DNAH6: variants seen among roughly 807,000 people sequenced by gnomAD.
DNAH6 encodes dynein axonemal heavy chain 6, also known as axonemal beta dynein heavy chain 6.
In DNAH6, 340 loss-of-function variants were observed where a neutral mutation model predicts 491.4. That is an observed-to-expected ratio of 0.69 (90% CI 0.63 to 0.76). The LOEUF (loss-of-function observed/expected upper bound fraction) is 0.76. Among genes scored for constraint, DNAH6 ranks in the 30% least tolerant of loss-of-function variants. The pLI is 0.00. For synonymous variants in DNAH6, 1,603 were observed against 1,686.1 expected (o/e 0.95, Z 1.21); for missense variants, 4,443 against 4,972.2 (o/e 0.89, Z 3.20).
At chr2:84,527,538 T>TA (rs1676720900) in intron 3 of DNAH6, among the ~76,000 whole-genome samples, 1 of 152,272 alleles carries the variant, frequency 6.6e-6, no homozygotes, top group South Asian at 2.1e-4. Flanking sequence ...TTTAGTCTCA[T>TA]AAAAATACTA....
chr2:84,816,903 A>G (rs1244554631), intron 76 of DNAH6, among the ~76,000 whole-genome samples: 1 of 152,206 alleles, frequency 6.6e-6, no homozygotes, highest in African/African-American at 2.4e-5. Context: ...ATCGCCTTGA[A>G]TACAGCACAG....
At chr2:84,510,357 T>G in the DNAH6 span, among the ~76,000 whole-genome samples, 1 of 152,258 alleles carries the variant, frequency 6.6e-6, no homozygotes, top group African/African-American at 2.4e-5. Flanking sequence ...TTTCTTCCAG[T>G]TGAGTGAATC....
At chr2:84,662,840 G>A (rs907061068) in intron 37 of DNAH6, among the ~76,000 whole-genome samples, 3 of 152,186 alleles carry the variant, frequency 2.0e-5, no homozygotes, top group Non-Finnish European at 2.9e-5. Context: ...TAGCCTAACT[G>A]GGAGATATCT....
At chr2:84,566,986 A>G (rs570594009) in intron 11 of DNAH6, among the ~76,000 whole-genome samples, 1 of 152,098 alleles carries the variant, frequency 6.6e-6, no homozygotes, top group African/African-American at 2.4e-5. Flanking sequence ...TAAATTAGGG[A>G]TCTAAAAATA....
chr2:84,661,027 A>T (rs1272861264), intron 37 of DNAH6, among the ~76,000 whole-genome samples: 1 of 152,180 alleles, frequency 6.6e-6, no homozygotes, highest in Admixed American at 6.5e-5. Flanking sequence ...TTAAATAATA[A>T]TATGTCAGTA....
At chr2:84,507,529 T>C in the DNAH6 span, among the ~76,000 whole-genome samples, 4 of 152,176 alleles carry the variant, frequency 2.6e-5, no homozygotes, top group Non-Finnish European at 5.9e-5. Flanking sequence ...CAATTTGACT[T>C]CCTCTTTTCC....
chr2:84,732,026 A>T (rs539356393), intron 61 of DNAH6, among the ~76,000 whole-genome samples: 1 of 152,252 alleles, frequency 6.6e-6, no homozygotes, highest in South Asian at 2.1e-4. Flanking sequence ...ATCCCAGGGT[A>T]ACTGTGAGCA....
chr2:84,797,599 C>T lies in DNAH6; in HGVS notation c.11422C>T (p.Pro3808Ser), dbSNP rs866373885. ...GTTTAAGGACTACATTGAAAATCTG[C>T]CTTTGATCGATGACCCAGAAATTTT... Reference protein sequence around the residue: ...QEFKDYIENLPLIDDPEIFGM... With the variant: ...QEFKDYIENLSLIDDPEIFGM... Residue 3808 changes from proline (P) to serine (S), a missense_variant, in exon 70 of 77, where the codon CCT becomes TCT. Around this residue, in one of 3 missense-constraint regions of DNAH6, gnomAD observed 1,463 missense variants for 1,656.6 expected, o/e 0.88. Transcript: ENST00000389394. The T allele has an allele frequency of 6.4e-7, 1 of 1,551,368 alleles. No homozygotes were observed. The highest frequency in any genetic ancestry group is 1.4e-5 in the African/African-American group (1 of 73,136).
At position 84,695,046 on chromosome 2, in the gene DNAH6, A is replaced by G. The variant is rs189656064; in HGVS notation, c.7524+566A>G. Reference sequence around the variant, plus strand: ...AAAAAGTGATAGATTTGATGCATAAATGTTTTAAATATTGTAAGCAGAATT... The same window carrying G: ...AAAAAGTGATAGATTTGATGCATAAGTGTTTTAAATATTGTAAGCAGAATT... On this transcript the variant is annotated intron_variant, in intron 46 of 76. Transcript: ENST00000389394. 6.3e-3 allele frequency among the ~76,000 whole-genome samples: 959 copies of G among 152,308 alleles called. 8 individuals carry two copies. The highest frequency in any genetic ancestry group is 0.021 in the African/African-American group (886 of 41,578).
rs377482915 is a variant in DNAH6 at position 84,701,254 on chromosome 2, G to A, written c.7976G>A (p.Arg2659Gln). 31 of 1,551,504 alleles carry A rather than the reference G, an allele frequency of 2.0e-5. No homozygotes were observed. Among genetic ancestry groups the A allele is most frequent in the Middle Eastern group, 1.7e-4 (1 of 6,014 alleles). ...CGCTATTACAATGAGCTGCGCAGGC[G>A]GTACTACACGACACCCACCTCCTAC... ...AERYYNELRR[R>Q]YYTTPTSYLE... is the part of the protein sequence containing the mutation. The change falls in exon 49 of 77, where the codon CGG (arginine) becomes CAG (glutamine). Residue 2659 changes from arginine (R) to glutamine (Q), a missense_variant. Transcript: ENST00000389394.
chr2:84,523,088 A>G (rs1312236034), intron 2 of DNAH6, among the ~76,000 whole-genome samples: 1 of 151,456 alleles, frequency 6.6e-6, no homozygotes, highest in African/African-American at 2.4e-5. Flanking sequence ...CTGTGAATCC[A>G]TCTGGTCATT....
Position 84,621,342 on chromosome 2 carries a change from G to A in DNAH6, c.3944G>A (p.Gly1315Asp), listed in dbSNP as rs1460266535. The change falls in exon 25 of 77, where the codon GGC becomes GAC. Residue 1315 changes from glycine to aspartate, a missense_variant. Physicochemically the swap from Gly to Asp is moderately conservative, Grantham distance 94. Coordinates refer to ENST00000389394, the MANE Select transcript of DNAH6 (RefSeq NM_001370.2). Reference sequence around the variant, plus strand: ...CTGAGGACAGACTGGGTGGTTGCTGGCCACCCTTCTCAAGTAACTCACACT... The same window carrying A: ...CTGAGGACAGACTGGGTGGTTGCTGACCACCCTTCTCAAGTAACTCACACT... ...GKLRTDWVVA[G>D]HPSQVILTVS... 1 of 1,551,398 alleles carries A rather than the reference G, an allele frequency of 6.4e-7. No individual in the cohort carries two copies. Among genetic ancestry groups the A allele is most frequent in the African/African-American group, 1.4e-5 (1 of 73,038 alleles).
chr2:84,712,593 G>A lies in DNAH6; in HGVS notation c.9379-502G>A, dbSNP rs1054581931. 2.0e-5 allele frequency among the ~76,000 whole-genome samples: 3 copies of A among 146,672 alleles called. No homozygotes were observed. The Admixed American group carries it at 2.1e-4, about 10-fold the overall frequency. On this transcript the variant is annotated intron_variant, in intron 56 of 76. Coordinates refer to ENST00000389394, the MANE Select transcript of DNAH6 (RefSeq NM_001370.2). ...GCAGTCTCTGTGCATATTCTTCCTT[G>A]TTTTGTTTTGGTTTAGTGTTTTTTG...
intron 63 of DNAH6, among the ~76,000 whole-genome samples, chr2:84,758,231 G>GTATTTAAATACCATTTATT (rs1183153943): frequency 1.3e-5 from 2 of 152,000 alleles, no homozygotes; most frequent in African/African-American, 4.8e-5. Context: ...TTACCATTTT[G>GTATTTAAATACCATTTATT]GTATTTAAAT....
chr2:84,800,292 G>T (rs1165740869), intron 70 of DNAH6, among the ~76,000 whole-genome samples: 2 of 152,100 alleles, frequency 1.3e-5, no homozygotes, highest in South Asian at 2.1e-4. Flanking sequence ...AGATAAAGAG[G>T]CATCAATTCC....
intron 7 of DNAH6, 109 bp downstream of exon 7, chr2:84,547,721 T>C: frequency 8.7e-7 from 1 of 1,154,776 alleles, no homozygotes; most frequent in East Asian, 2.6e-5. Flanking sequence ...ATGTTTGAAT[T>C]GTTCCAAACA....
intron 61 of DNAH6, among the ~76,000 whole-genome samples, chr2:84,729,506 A>G (rs1698947992): frequency 2.0e-5 from 3 of 152,204 alleles, no homozygotes; most frequent in Admixed American, 2.0e-4. Flanking sequence ...CAGAAACTCA[A>G]AGAGGTTAAA....
chr2:84,725,176 A>G (rs1212186270), intron 60 of DNAH6, among the ~76,000 whole-genome samples: 1 of 152,212 alleles, frequency 6.6e-6, no homozygotes, highest in East Asian at 1.9e-4. Context: ...TCTGCATATA[A>G]CATTCCAACA....
At chr2:84,601,078 T>C (rs1685200293) in intron 18 of DNAH6, among the ~76,000 whole-genome samples, 1 of 149,468 alleles carries the variant, frequency 6.7e-6, no homozygotes, top group Non-Finnish European at 1.5e-5. Flanking sequence ...AAGGAATCCT[T>C]GTAGAAATGG....
Sources: allele counts gnomAD v4.1 joint callset (sites outside exome capture counted in the v4.1 genomes callset), GRCh38; gene constraint gnomAD v4.1.1; regional missense constraint gnomAD v4.1.1; transcripts MANE v1.5; gene names NCBI Gene and HGNC (gene_info 2026-07-23, HGNC 2026-07-21).